TRIM29: variants seen among roughly 807,000 people sequenced by gnomAD.
TRIM29 encodes the protein tripartite motif-containing protein 29.
In TRIM29, 52 loss-of-function variants were observed where a neutral mutation model predicts 57.3. The observed-to-expected ratio is 0.91, with a 90% confidence interval of 0.73 to 1.14. TRIM29 has a LOEUF of 1.14. TRIM29 is among the 50% of genes most tolerant of loss of function. The probability of loss-of-function intolerance (pLI) is 0.00; values close to 1 mark genes in which losing one functional copy is unlikely to be tolerated. For synonymous variants in TRIM29, 319 were observed against 316.9 expected, an observed-to-expected ratio of 1.01 and a Z score of -0.07; for missense variants, 753 against 774.6, an observed-to-expected ratio of 0.97 and a Z score of 0.33.
intron 5 of TRIM29, among the ~76,000 whole-genome samples, chr11:120,122,150 G>GTT (rs1863468906): frequency 7.0e-6 from 1 of 142,772 alleles, no homozygotes; most frequent in African/African-American, 2.7e-5. Flanking sequence ...GTGTGTGTGT[G>GTT]TGTGTGTGTG....
chr11:120,123,075 G>A lies in TRIM29; in HGVS notation c.1334-20C>T. On this transcript the variant is annotated intron_variant, in intron 4 of 8. Transcript: ENST00000341846. ...CACCACCTAGGAAGCAGAGGGTCGG[G>A]TCAGCAGAGGAGCCAGGTGGGAAGG... 2 of 1,611,888 alleles carry A rather than the reference G, an allele frequency of 1.2e-6. No homozygotes were observed. Among genetic ancestry groups the A allele is most frequent in the Non-Finnish European group, 1.7e-6 (2 of 1,177,998 alleles).
intron 1 of TRIM29, among the ~76,000 whole-genome samples, chr11:120,134,324 C>T (rs1218946796): frequency 6.6e-6 from 1 of 152,214 alleles, no homozygotes; most frequent in Non-Finnish European, 1.5e-5. Flanking sequence ...CCTCACACCA[C>T]CAACCGAGGC....
intron 5 of TRIM29, chr11:120,122,125 T>TGTGTGG: frequency 3.3e-6 from 1 of 302,494 alleles, no homozygotes; most frequent in Non-Finnish European, 6.5e-6. Flanking sequence ...TCCCATTGTG[T>TGTGTGG]GTGTGAGTGT....
chr11:120,116,904 C>A, intron 7 of TRIM29: 1 of 357,524 alleles, frequency 2.8e-6, no homozygotes, highest in Non-Finnish European at 5.6e-6. Context: ...CCCCCCATGT[C>A]CCACCTGCCC....
In TRIM29 at chr11:120,137,620, G is replaced by A. The variant is rs1863847435; in HGVS notation, c.412C>T (p.Pro138Ser). The A allele has an allele frequency of 6.2e-7, 1 of 1,613,638 alleles. No homozygotes were observed. Among genetic ancestry groups the A allele is most frequent in the Non-Finnish European group, 8.5e-7 (1 of 1,180,004 alleles). ...CCGGGCTCCATGATGGACACCGTGG[G>A]CTTCCGGGACTCCGAGAAAATGGAC... ...RKSIFSESRK[P>S]TVSIMEPGET... Residue 138 changes from proline to serine, a missense_variant, in exon 1 of 9, where the codon CCC (proline) becomes TCC (serine). Pro to Ser is a moderately conservative substitution (Grantham distance 74, BLOSUM62 -1). Transcript: ENST00000341846. The surrounding 1 kb of genome is among the most constrained non-coding windows in gnomAD (Gnocchi z 6.2).
At chr11:120,121,702 T>C (rs1035294191) in intron 5 of TRIM29, 2 of 225,142 alleles carry the variant, frequency 8.9e-6, no homozygotes, top group East Asian at 9.8e-5. Flanking sequence ...GGTGGCATCA[T>C]AGTGGGTGCT....
chr11:120,137,674 T>A lies in TRIM29; in HGVS notation c.358A>T (p.Thr120Ser). 3 of 1,613,286 alleles carry A rather than the reference T, an allele frequency of 1.9e-6. No homozygotes were observed. Among genetic ancestry groups the A allele is most frequent in the Non-Finnish European group, 2.5e-6 (3 of 1,179,960 alleles). ...CGCAGCTCGCCCTTTTCGGCAAAGG[T>A]AACGGGTGGCTTCTTGGCAGCCCCC... ...QLGAAKKPPV[T>S]FAEKGELRKS... The change falls in exon 1 of 9, where the codon ACC (threonine) becomes TCC (serine). Residue 120 changes from threonine to serine, a missense_variant. Thr to Ser is a moderately conservative substitution (Grantham distance 58, BLOSUM62 1). Coordinates refer to ENST00000341846, the MANE Select transcript of TRIM29 (RefSeq NM_012101.4). This position sits in a 1 kb window ranked among gnomAD's most constrained non-coding sequence, Gnocchi z 6.2.
At chr11:120,135,103 C>T (rs996398326) in intron 1 of TRIM29, among the ~76,000 whole-genome samples, 3 of 152,202 alleles carry the variant, frequency 2.0e-5, no homozygotes, top group Non-Finnish European at 4.4e-5. Flanking sequence ...GGCACATCCA[C>T]ATAGGGCTGC....
intron 5 of TRIM29, 167 bp from the exon 6 acceptor site, chr11:120,120,832 A>C (rs1242239728): frequency 1.4e-6 from 1 of 704,636 alleles, no homozygotes; most frequent in Non-Finnish European, 2.6e-6. Context: ...CCAAATTGGC[A>C]TGCTTTTGAG....
rs377767292 is a variant in TRIM29 at position 120,137,482 on chromosome 11, C to T, written c.550G>A (p.Val184Ile). ...GCCTGGCACACCAGGCAGGACTTGA[C>T]CGCCTTCTGCTTGTTGCCGATGCAG... Reference protein sequence around the residue: ...DSCIGNKQKAVKSCLVCQASF... With the variant: ...DSCIGNKQKAIKSCLVCQASF... Residue 184 changes from valine to isoleucine, a missense_variant, in exon 1 of 9, where the codon GTC becomes ATC. By Grantham distance (29) the Val-to-Ile change is conservative. Coordinates refer to ENST00000341846, the MANE Select transcript of TRIM29 (RefSeq NM_012101.4). This position sits in a 1 kb window ranked among gnomAD's most constrained non-coding sequence, Gnocchi z 6.2. 1.7e-5 allele frequency: 27 copies of T among 1,602,712 alleles called. No homozygotes were observed. The highest frequency in any genetic ancestry group is 2.2e-5 in the Non-Finnish European group (26 of 1,179,910).
chr11:120,114,217 G>C (rs1382452222), intron 8 of TRIM29, among the ~76,000 whole-genome samples: 2 of 152,176 alleles, frequency 1.3e-5, no homozygotes, highest in Admixed American at 6.5e-5. Context: ...CTTCTCTTCA[G>C]GGCCCCAGGC....
chr11:120,112,453 G>A lies in TRIM29; in HGVS notation c.1728C>T (p.Val576=). Residue 576 remains valine (V), a synonymous_variant, in exon 9 of 9, where the codon GTC becomes GTT. Transcript: ENST00000341846. ...TGGACCCAATCCCGTTGCCTTTGTT[G>A]ACGTAGAATGGCCGGTAGTGAGACT... ...TMLSHYRPFY[V]NKGNGIGSNE... 2 of 1,613,278 alleles carry A rather than the reference G, an allele frequency of 1.2e-6. No individual in the cohort carries two copies. The highest frequency in any genetic ancestry group is 2.2e-5 in the South Asian group (2 of 90,922).
Position 120,112,396 on chromosome 11 carries a change from G to C in TRIM29, c.*18C>G. The C allele has an allele frequency of 6.2e-7, 1 of 1,613,240 alleles. No homozygotes were observed. The highest frequency in any genetic ancestry group is 8.5e-7 in the Non-Finnish European group (1 of 1,179,506). On this transcript the variant is annotated 3_prime_UTR_variant, in exon 9 of 9. Coordinates refer to ENST00000341846, the MANE Select transcript of TRIM29 (RefSeq NM_012101.4). ...AGGAAGAGCAGGGGTGTGGCGCCTC[G>C]TTCCTTCCGCCAGGAGCTCATGGGG...
Position 120,118,210 on chromosome 11 carries a change from T to C in TRIM29, c.1627+13A>G, listed in dbSNP as rs113327866. The C allele has an allele frequency of 7.4e-6, 12 of 1,612,476 alleles. No homozygotes were observed. Among genetic ancestry groups the C allele is most frequent in the African/African-American group, 6.7e-5 (5 of 74,964 alleles). ...CTGTGGAGGAAAGCAGGGGCCAGGGTGGGCAAGCTCACCTTTCAGGGAGAA... is the reference window on the plus strand; with the variant it reads ...CTGTGGAGGAAAGCAGGGGCCAGGGCGGGCAAGCTCACCTTTCAGGGAGAA... On this transcript the variant is annotated intron_variant, in intron 7 of 8. Coordinates refer to ENST00000341846, the MANE Select transcript of TRIM29 (RefSeq NM_012101.4).
chr11:120,112,427 T>C lies in TRIM29; in HGVS notation c.1754A>G (p.Asn585Ser), dbSNP rs746634988. ...YVNKGNGIGSNEAP is the reference protein window; with the variant it reads ...YVNKGNGIGSSEAP The stretch of plus-strand genomic sequence containing the variant: ...TCCGCCAGGAGCTCATGGGGCTTCG[T>C]TGGACCCAATCCCGTTGCCTTTGTT... The change falls in exon 9 of 9, where the codon AAC becomes AGC. Residue 585 changes from asparagine (N) to serine (S), a missense_variant. Transcript: ENST00000341846. 8.1e-6 allele frequency: 13 copies of C among 1,613,584 alleles called. No homozygotes were observed. Among genetic ancestry groups the C allele is most frequent in the Admixed American group, 1.7e-5 (1 of 59,930 alleles).
At chr11:120,136,385 T>C (rs774212866) in intron 1 of TRIM29, among the ~76,000 whole-genome samples, 9 of 152,236 alleles carry the variant, frequency 5.9e-5, no homozygotes, top group Non-Finnish European at 1.0e-4. Context: ...AAGTGTTGGA[T>C]TTTATGGAAT....
chr11:120,133,403 C>T (rs200980405), intron 1 of TRIM29, among the ~76,000 whole-genome samples: 18 of 152,354 alleles, frequency 1.2e-4, no homozygotes, highest in Non-Finnish European at 2.4e-4. Flanking sequence ...ATGCTGGGCC[C>T]GGCACTGGCA....
At position 120,138,076 on chromosome 11, in the gene TRIM29, G is replaced by A. The variant is rs774718371; in HGVS notation, c.-45C>T. On this transcript the variant is annotated 5_prime_UTR_variant, in exon 1 of 9. Transcript: ENST00000341846. ...CTGTTTCAGGCTTGCTGGGGTTCAGGATAGGTGACCTTTCTGGCAGGCGTC... is the reference window on the plus strand; with the variant it reads ...CTGTTTCAGGCTTGCTGGGGTTCAGAATAGGTGACCTTTCTGGCAGGCGTC... The A allele has an allele frequency of 1.8e-5, 28 of 1,520,530 alleles. No homozygotes were observed. Among genetic ancestry groups the A allele is most frequent in the Non-Finnish European group, 2.3e-5 (26 of 1,141,056 alleles). The allele number at this position is 1,520,530 out of a possible 1,614,324, so 94.2% of individuals were successfully genotyped here. A position where few individuals can be genotyped will look rare whatever the true frequency, so the allele number is the denominator to read the frequency against.
intron 1 of TRIM29, among the ~76,000 whole-genome samples, chr11:120,135,347 G>T (rs1863796762): frequency 6.6e-6 from 1 of 152,106 alleles, no homozygotes; most frequent in Admixed American, 6.6e-5. Context: ...GGGCTCTGTG[G>T]GGTAATTTGA....
Sources: allele counts gnomAD v4.1 joint callset (sites outside exome capture counted in the v4.1 genomes callset), GRCh38; gene constraint gnomAD v4.1.1; non-coding constraint Gnocchi (gnomAD v3.1); transcripts MANE v1.5; gene names NCBI Gene and HGNC (gene_info 2026-07-23, HGNC 2026-07-21).